ITIH3: variants seen among roughly 807,000 people sequenced by gnomAD.
ITIH3 encodes the protein inter-alpha-trypsin inhibitor heavy chain 3, also known as inter-alpha-trypsin inhibitor heavy chain H3.
In ITIH3, 81 loss-of-function variants were observed where a neutral mutation model predicts 96.5. The ratio of observed to expected loss-of-function variants is 0.84; its 90% CI spans 0.70 to 1.01. The LOEUF is 1.01. ITIH3 is among the 50% of genes least tolerant of loss of function. The probability of loss-of-function intolerance (pLI) is 0.00; values close to 1 mark genes in which losing one functional copy is unlikely to be tolerated. For missense variants in ITIH3, 1,057 were observed against 1,139.3 expected, an observed-to-expected ratio of 0.93 and a Z score of 1.04; for synonymous variants, 422 against 445.2, an observed-to-expected ratio of 0.95 and a Z score of 0.66.
intron 11 of ITIH3, among the ~76,000 whole-genome samples, chr3:52,801,404 G>A (rs1391094883): frequency 6.6e-6 from 1 of 152,126 alleles, no homozygotes; most frequent in African/African-American, 2.4e-5. Flanking sequence ...ATGAATTTTT[G>A]TAGTGTAAGT....
chr3:52,804,117 A>T (rs546199674), intron 14 of ITIH3, 108 bp downstream of exon 14: 17 of 1,243,182 alleles, frequency 1.4e-5, no homozygotes, highest in Non-Finnish European at 1.9e-5. Flanking sequence ...GACCTGCTGA[A>T]GTAGGGCATC....
intron 17 of ITIH3, 22 bp downstream of exon 17, chr3:52,806,160 G>T: frequency 6.2e-7 from 1 of 1,601,706 alleles, no homozygotes; most frequent in East Asian, 2.3e-5. Context: ...GCTGCTCCTC[G>T]GGAAGGCTCA....
At chr3:52,796,898 G>C (rs1699608549) in intron 4 of ITIH3, 55 bp downstream of exon 4, 5 of 1,316,250 alleles carry the variant, frequency 3.8e-6, no homozygotes, top group Non-Finnish European at 5.3e-6. Context: ...AGGGCCTTCA[G>C]GGCTACAAAC....
intron 8 of ITIH3, 65 bp downstream of exon 8, chr3:52,799,553 T>A (rs1452391322): frequency 3.3e-6 from 4 of 1,219,878 alleles, no homozygotes; most frequent in East Asian, 2.4e-5. Context: ...TTTTTTTTTT[T>A]AACTGGAAAA....
rs1699658948 is a variant in ITIH3 at position 52,797,929 on chromosome 3, A to C, written c.662A>C (p.Lys221Thr). Residue 221 changes from lysine (K) to threonine (T), a missense_variant and splice_region_variant, in exon 6 of 22, where the codon AAG becomes ACG. Physicochemically the swap from Lys to Thr is moderately conservative, Grantham distance 78 (BLOSUM62 -1). Transcript: ENST00000449956. ...SALTKSFSGK[K>T]GHVSFKPSLD... is the part of the protein sequence containing the mutation. The stretch of plus-strand genomic sequence containing the variant: ...CTCACCAAGTCCTTCTCAGGGAAAA[A>C]GGTGATGTAGATGCCTCTCAGACCT... The C allele has an allele frequency of 6.3e-7, 1 of 1,575,676 alleles. No individual in the cohort carries two copies. The highest frequency in any genetic ancestry group is 2.3e-5 in the East Asian group (1 of 43,722).
At chr3:52,794,982 A>G in intron 1 of ITIH3, 86 bp downstream of exon 1, 3 of 1,104,776 alleles carry the variant, frequency 2.7e-6, no homozygotes, top group Non-Finnish European at 4.2e-6. Context: ...GAGTGGAGTG[A>G]AGAGGAGGCA....
chr3:52,795,553 T>G, intron 1 of ITIH3, 50 bp from the exon 2 acceptor site: 1 of 1,585,930 alleles, frequency 6.3e-7, no homozygotes, highest in Non-Finnish European at 8.6e-7. Flanking sequence ...GCGGCCTTGG[T>G]GTTGGCCTTG....
chr3:52,798,871 G>A (rs1578753753), intron 6 of ITIH3, 95 bp from the exon 7 acceptor site: 3 of 1,483,226 alleles, frequency 2.0e-6, no homozygotes, highest in African/African-American at 1.4e-5. Context: ...TCCTCCCTGT[G>A]AGGCTGCACC....
intron 19 of ITIH3, 57 bp downstream of exon 19, chr3:52,807,162 T>C: frequency 7.0e-7 from 1 of 1,436,744 alleles, no homozygotes; most frequent in Non-Finnish European, 9.5e-7. Context: ...CTAAGGAGGC[T>C]CTTGAGGGAT....
intron 11 of ITIH3, 127 bp from the exon 12 acceptor site, chr3:52,802,193 TGAAGGACGCAGTCA>T: frequency 1.2e-6 from 1 of 831,830 alleles, no homozygotes; most frequent in Non-Finnish European, 1.8e-6. Context: ...CCCCACAGAC[TGAAGGACGCAGTCA>T]GGGACAGGCA....
chr3:52,803,937 C>T lies in ITIH3; in HGVS notation c.1792C>T (p.Leu598=), dbSNP rs780248388. 1 of 1,613,904 alleles carries T rather than the reference C, an allele frequency of 6.2e-7. No homozygotes were observed. The highest frequency in any genetic ancestry group is 1.1e-5 in the South Asian group (1 of 91,042). Residue 598 remains leucine (L), a synonymous_variant, in exon 14 of 22, where the codon CTG becomes TTG. Transcript: ENST00000449956. ...CCTCAAGTATCACTTTGTGACTCCACTGACCTCAATGGTGGTGACCAAGCC... is the reference window on the plus strand; with the variant it reads ...CCTCAAGTATCACTTTGTGACTCCATTGACCTCAATGGTGGTGACCAAGCC... ...LSLKYHFVTP[L]TSMVVTKPED... is the part of the protein sequence containing the mutation.
intron 9 of ITIH3, 23 bp from the exon 10 acceptor site, chr3:52,800,515 G>C (rs776861410): frequency 6.5e-7 from 1 of 1,550,370 alleles, no homozygotes; most frequent in Admixed American, 2.0e-5. Flanking sequence ...ACCCTCCCAC[G>C]GTGCTGTCTG....
intron 6 of ITIH3, chr3:52,798,530 T>C: frequency 5.4e-6 from 1 of 184,144 alleles, no homozygotes; most frequent in Non-Finnish European, 1.1e-5. Context: ...CCTCCCCTCC[T>C]CTTGGCACCC....
intron 6 of ITIH3, chr3:52,798,683 C>T (rs1004635801): frequency 2.1e-5 from 9 of 438,232 alleles, no homozygotes; most frequent in South Asian, 3.4e-5. Context: ...GAAGCTGAAT[C>T]AGCCAAGGCC....
At chr3:52,804,559 C>G in intron 14 of ITIH3, 167 bp from the exon 15 acceptor site, 2 of 658,234 alleles carry the variant, frequency 3.0e-6, no homozygotes, top group Non-Finnish European at 5.3e-6. Context: ...AGGCCTCTGG[C>G]TTCCAAGAAC....
intron 15 of ITIH3, 58 bp downstream of exon 15, chr3:52,804,792 G>A: frequency 6.4e-7 from 1 of 1,560,974 alleles, no homozygotes; most frequent in Admixed American, 1.9e-5. Flanking sequence ...AGAGAGAACT[G>A]AGGAGGCCTT....
intron 16 of ITIH3, 48 bp from the exon 17 acceptor site, chr3:52,806,054 TC>T: frequency 6.3e-7 from 1 of 1,576,172 alleles, no homozygotes; most frequent in Non-Finnish European, 8.6e-7. Context: ...GTCGGGCGCC[TC>T]CCAGGGCCAC....
chr3:52,799,458 C>A lies in ITIH3; in HGVS notation c.876C>A (p.Ser292Arg), dbSNP rs770475192. 5 of 1,612,588 alleles carry A rather than the reference C, an allele frequency of 3.1e-6. No individual in the cohort carries two copies. The highest frequency in any genetic ancestry group is 2.2e-5 in the East Asian group (1 of 44,874). Residue 292 changes from serine (S) to arginine (R), a missense_variant, in exon 8 of 22, where the codon AGC becomes AGA. By Grantham distance (110) the Ser-to-Arg change is moderately radical. Transcript: ENST00000449956. ...ACGTGGCCTTTGTGATTGACATCAG[C>A]GGCTCCATGGCTGGTCGGAAATTAG... is the stretch of plus-strand genomic sequence containing the variant. ...PKNVAFVIDI[S>R]GSMAGRKLEQ...
intron 21 of ITIH3, 110 bp from the exon 22 acceptor site, chr3:52,808,442 T>C: frequency 1.4e-6 from 2 of 1,443,094 alleles, no homozygotes; most frequent in South Asian, 2.4e-5. Context: ...ACCAAAGAAT[T>C]CTGGGCTGTT....
Sources: allele counts gnomAD v4.1 joint callset (sites outside exome capture counted in the v4.1 genomes callset), GRCh38; gene constraint gnomAD v4.1.1; transcripts MANE v1.5; gene names NCBI Gene and HGNC (gene_info 2026-07-23, HGNC 2026-07-21).